MAF: variants seen among roughly 807,000 people sequenced by gnomAD.
MAF encodes MAF bZIP transcription factor.
MAF carries 10 observed loss-of-function variants against 22.0 expected under a neutral mutation model. The observed-to-expected ratio is 0.45, with a 90% CI of 0.28 to 0.77. MAF has a LOEUF of 0.77. Ranked by LOEUF, MAF falls within the 30% of genes least tolerant of loss-of-function variation. The pLI is 0.12. For missense variants in MAF, 544 were observed against 548.4 expected (o/e 0.99, Z 0.08); for synonymous variants, 337 against 255.8 (o/e 1.32, Z -3.03).
chr16:79,206,826 C>T, the MAF span: 1 of 151,036 alleles, frequency 6.6e-6, no homozygotes, highest in African/African-American at 2.4e-5. Context: ...CTATGAGCCT[C>T]ATTCCTGTAT....
chr16:79,503,476 T>A, the MAF span, among the ~76,000 whole-genome samples: 518 of 152,356 alleles, frequency 3.4e-3, 1 homozygote, highest in African/African-American at 0.012. Flanking sequence ...TAAGCCACTA[T>A]CATCCCCAGT....
chr16:79,260,634 T>C, the MAF span, among the ~76,000 whole-genome samples: 1 of 152,126 alleles, frequency 6.6e-6, no homozygotes, highest in Non-Finnish European at 1.5e-5. Context: ...AGCTCTTGAG[T>C]GAATAAGTGC....
chr16:79,445,725 G>A, the MAF span, among the ~76,000 whole-genome samples: 1 of 152,210 alleles, frequency 6.6e-6, no homozygotes, highest in Non-Finnish European at 1.5e-5. Context: ...TGCATCAGAC[G>A]CTCCCTCATC....
the MAF span, among the ~76,000 whole-genome samples, chr16:79,527,260 T>C: frequency 6.6e-6 from 1 of 152,236 alleles, no homozygotes; most frequent in African/African-American, 2.4e-5. Context: ...TTCTTTGATA[T>C]AGGGTTTCAT....
chr16:79,577,573 G>A, the MAF span, among the ~76,000 whole-genome samples: 6 of 152,122 alleles, frequency 3.9e-5, no homozygotes, highest in African/African-American at 7.2e-5. Flanking sequence ...GAGGTTTTGG[G>A]TGACCTCCAA....
the MAF span, among the ~76,000 whole-genome samples, chr16:79,526,346 C>G: frequency 1.3e-5 from 2 of 152,112 alleles, no homozygotes; most frequent in Admixed American, 1.3e-4. Flanking sequence ...TAATAGGGTT[C>G]GTGCACCTAT....
the MAF span, among the ~76,000 whole-genome samples, chr16:79,429,073 A>G: frequency 6.6e-6 from 1 of 152,122 alleles, no homozygotes; most frequent in Non-Finnish European, 1.5e-5. Context: ...GGATGTCTTT[A>G]AATGCCGATT....
At chr16:79,527,435 G>A in the MAF span, among the ~76,000 whole-genome samples, 1 of 152,152 alleles carries the variant, frequency 6.6e-6, no homozygotes, top group Non-Finnish European at 1.5e-5. Flanking sequence ...TTTTCTTCCT[G>A]TGGGCCCAGA....
the MAF span, among the ~76,000 whole-genome samples, chr16:79,401,194 G>T: frequency 6.6e-6 from 1 of 152,184 alleles, no homozygotes; most frequent in Non-Finnish European, 1.5e-5. Flanking sequence ...CTATTCTCCC[G>T]CGTGGATTTC....
At chr16:79,271,555 G>A in the MAF span, among the ~76,000 whole-genome samples, 1 of 152,022 alleles carries the variant, frequency 6.6e-6, no homozygotes. Flanking sequence ...ACAGCCTCTG[G>A]GTAATTCAAG....
the MAF span, among the ~76,000 whole-genome samples, chr16:79,549,425 A>T: frequency 6.6e-6 from 1 of 152,344 alleles, no homozygotes; most frequent in African/African-American, 2.4e-5. Context: ...AAGCCACAAG[A>T]TACTGTCTGT....
At chr16:79,572,852 T>C in the MAF span, among the ~76,000 whole-genome samples, 1 of 152,308 alleles carries the variant, frequency 6.6e-6, no homozygotes, top group Non-Finnish European at 1.5e-5. Context: ...TTCCCAAACA[T>C]GAAATGTGTA....
At chr16:79,588,870 A>G (rs1287205940), downstream of MAF, among the ~76,000 whole-genome samples, 2 of 152,228 alleles carry the variant, frequency 1.3e-5, no homozygotes, top group Non-Finnish European at 1.5e-5. Flanking sequence ...GAAAAAATAT[A>G]TTGGAGTGAA....
chr16:79,582,239 AGCAGGT>A (rs1257040658), downstream of MAF, among the ~76,000 whole-genome samples: 1 of 152,226 alleles, frequency 6.6e-6, no homozygotes, highest in Non-Finnish European at 1.5e-5. Flanking sequence ...TTCAGCAAGC[AGCAGGT>A]GAAGGGAGTT....
chr16:79,401,724 C>T, the MAF span, among the ~76,000 whole-genome samples: 59 of 152,110 alleles, frequency 3.9e-4, no homozygotes, highest in African/African-American at 1.3e-3. Context: ...ACGCAGAATA[C>T]GGAGACCAGA....
the MAF span, among the ~76,000 whole-genome samples, chr16:79,263,552 C>T: frequency 6.6e-6 from 1 of 152,222 alleles, no homozygotes; most frequent in East Asian, 1.9e-4. Flanking sequence ...TACCTTTCCC[C>T]TTGTGGGGCC....
the MAF span, among the ~76,000 whole-genome samples, chr16:79,513,923 A>G: frequency 6.6e-6 from 1 of 152,212 alleles, no homozygotes; most frequent in Non-Finnish European, 1.5e-5. Context: ...ATGCAATTCA[A>G]AAGCACGACA....
the MAF span, among the ~76,000 whole-genome samples, chr16:79,535,586 C>CTTTTTTTTT: frequency 3.1e-5 from 4 of 130,590 alleles, 2 homozygotes; most frequent in Non-Finnish European, 3.1e-5. Flanking sequence ...ATTGCTTCTT[C>CTTTTTTTTT]TTTTTTTTTT....
chr16:79,382,997 G>C, the MAF span, among the ~76,000 whole-genome samples: 3 of 152,166 alleles, frequency 2.0e-5, no homozygotes, highest in African/African-American at 7.2e-5. Flanking sequence ...TATTTACTAA[G>C]TCTTTACTGC....
Sources: gnomAD v4.1 joint callset for allele counts (sites outside exome capture counted in the v4.1 genomes callset) on GRCh38, gnomAD v4.1.1 for gene constraint, MANE v1.5 for transcripts, NCBI Gene and HGNC (gene_info 2026-07-23, HGNC 2026-07-21) for gene names.